PRKN: variants seen among roughly 807,000 people sequenced by gnomAD.
PRKN encodes E3 ubiquitin-protein ligase parkin.
In PRKN, 56 loss-of-function variants were observed where a neutral mutation model predicts 59.5. That is an observed-to-expected ratio of 0.94 (90% CI 0.76 to 1.18). The LOEUF (loss-of-function observed/expected upper bound fraction) is 1.18, where lower values mean the gene tolerates loss of function less well. Ranked by LOEUF, PRKN falls within the 50% of genes most tolerant of loss-of-function variation. The probability of loss-of-function intolerance (pLI) is 0.00; values close to 1 mark genes in which losing one functional copy is unlikely to be tolerated. For synonymous variants in PRKN, 250 were observed against 222.1 expected (o/e 1.13, Z -1.12); for missense variants, 657 against 596.4 (o/e 1.10, Z -1.06).
In PRKN at chr6:162,418,613, AGTGTGT is replaced by A. The variant is rs140621171; in HGVS notation, c.171+24691_171+24696del. On this transcript the variant is annotated intron_variant, in intron 2 of 11. Coordinates refer to ENST00000366898, the MANE Select transcript of PRKN (RefSeq NM_004562.3). ...AAGTGATGAAGAGAGAGGGACAGAC[AGTGTGT>A]GTGTGTGTGTGTGTGTGTGTGTGTG... 4.0e-4 allele frequency among the ~76,000 whole-genome samples: 51 copies of A among 126,398 alleles called. 2 individuals carry two copies. The highest frequency in any genetic ancestry group is 1.0e-3 in the African/African-American group (32 of 31,604). The allele number at this position is 126,398 out of a possible 152,430, so 82.9% of individuals were successfully genotyped here. A position where few individuals can be genotyped will look rare whatever the true frequency, so the allele number is the denominator to read the frequency against.
chr6:162,106,967 G>A (rs113685522), intron 4 of PRKN, among the ~76,000 whole-genome samples: 1 of 152,010 alleles, frequency 6.6e-6, no homozygotes, highest in South Asian at 2.1e-4. Flanking sequence ...AAAGCTTCAG[G>A]TTACCTGTGC....
At position 162,608,877 on chromosome 6, in the gene PRKN, T is replaced by A. The variant is rs531357802; in HGVS notation, c.7+118785A>T. Among the ~76,000 whole-genome samples, 8 of 152,106 alleles carry A rather than the reference T, an allele frequency of 5.3e-5. No homozygotes were observed. In the South Asian group the frequency reaches 1.7e-3, roughly 32 times the overall value. ...TTAGGACTGAAGGGACAGGAGGGTA[T>A]CTACTGGGGCATGGGACAGGAGGGT... On this transcript the variant is annotated intron_variant, in intron 1 of 11. Transcript: ENST00000366898.
chr6:161,567,294 TGC>T (rs1288873119), intron 8 of PRKN, among the ~76,000 whole-genome samples: 2 of 152,162 alleles, frequency 1.3e-5, no homozygotes, highest in Non-Finnish European at 2.9e-5. Flanking sequence ...ATGATCTGCC[TGC>T]CTTGGCCTCC....
intron 1 of PRKN, among the ~76,000 whole-genome samples, chr6:162,691,545 G>GA (rs919275848): frequency 1.3e-5 from 2 of 151,306 alleles, no homozygotes; most frequent in South Asian, 4.2e-4. Flanking sequence ...GATATCCAAA[G>GA]AAAAAAAAGG....
intron 1 of PRKN, among the ~76,000 whole-genome samples, chr6:162,682,346 G>A (rs1256217273): frequency 1.3e-5 from 2 of 152,064 alleles, no homozygotes; most frequent in Non-Finnish European, 2.9e-5. Flanking sequence ...GCAAAGACAT[G>A]GAATCAACCT....
intron 7 of PRKN, among the ~76,000 whole-genome samples, chr6:161,673,099 G>A (rs1582983066): frequency 1.3e-5 from 2 of 152,200 alleles, no homozygotes; most frequent in South Asian, 4.1e-4. Context: ...CACACTTCTG[G>A]AATGCTGTCC....
chr6:161,464,742 C>G (rs1790373142), intron 9 of PRKN, among the ~76,000 whole-genome samples: 1 of 152,162 alleles, frequency 6.6e-6, no homozygotes, highest in Non-Finnish European at 1.5e-5. Context: ...TTGAAGGGCT[C>G]CAAAGTAAGT....
intron 3 of PRKN, among the ~76,000 whole-genome samples, chr6:162,208,650 A>G (rs1479640003): frequency 1.3e-5 from 2 of 152,212 alleles, no homozygotes; most frequent in Non-Finnish European, 2.9e-5. Context: ...AGCCAAAAAG[A>G]GTAAATGTAG....
chr6:162,257,688 G>C (rs938313742), intron 3 of PRKN, among the ~76,000 whole-genome samples: 1 of 152,096 alleles, frequency 6.6e-6, no homozygotes, highest in Non-Finnish European at 1.5e-5. Flanking sequence ...GGTTTCTATA[G>C]TGCCAGGTTT....
intron 1 of PRKN, among the ~76,000 whole-genome samples, chr6:162,480,167 T>C (rs12524790): frequency 0.15 from 22,273 of 152,168 alleles, 1,822 homozygotes; most frequent in Non-Finnish European, 0.17. Flanking sequence ...TTGTATGTGC[T>C]GGACTTTTAC....
chr6:161,922,186 T>C (rs1277161971), intron 6 of PRKN, among the ~76,000 whole-genome samples: 1 of 152,240 alleles, frequency 6.6e-6, no homozygotes, highest in Non-Finnish European at 1.5e-5. Context: ...ATGCAGAAGA[T>C]GAAATTGGCA....
chr6:161,485,291 TA>T (rs1279735110), intron 9 of PRKN, among the ~76,000 whole-genome samples: 1 of 152,146 alleles, frequency 6.6e-6, no homozygotes, highest in Non-Finnish European at 1.5e-5. Flanking sequence ...TGTGGTGTGA[TA>T]AAAAACTGAA....
At chr6:161,807,604 G>A (rs1453528232) in intron 6 of PRKN, among the ~76,000 whole-genome samples, 1 of 152,156 alleles carries the variant, frequency 6.6e-6, no homozygotes, top group African/African-American at 2.4e-5. Context: ...CTGGCTTCTG[G>A]TGTTGCCAGC....
intron 1 of PRKN, among the ~76,000 whole-genome samples, chr6:162,667,245 T>C (rs1779137149): frequency 6.6e-6 from 1 of 152,084 alleles, no homozygotes; most frequent in African/African-American, 2.4e-5. Context: ...TAGTTTAATA[T>C]TAAAAACAAG....
intron 1 of PRKN, among the ~76,000 whole-genome samples, chr6:162,503,736 T>C (rs1333740208): frequency 6.6e-6 from 1 of 152,162 alleles, no homozygotes; most frequent in African/African-American, 2.4e-5. Context: ...ACAATGTGAA[T>C]GTTGATACAG....
chr6:161,885,361 C>G (rs1435430271), intron 6 of PRKN, among the ~76,000 whole-genome samples: 1 of 152,084 alleles, frequency 6.6e-6, no homozygotes, highest in Non-Finnish European at 1.5e-5. Context: ...TTTTAGCTGT[C>G]TATTCAACAA....
Position 161,468,716 on chromosome 6 carries a change from G to A in PRKN, c.1083+80138C>T, listed in dbSNP as rs545733622. Among the ~76,000 whole-genome samples the A allele has an allele frequency of 3.3e-5, 5 of 152,224 alleles. No homozygotes were observed. The East Asian group carries it at 5.8e-4, about 18-fold the overall frequency. Reference sequence around the variant, plus strand: ...GCTATTTACCACTAATGCAGCTGCCGGGAGGATCCAGCCTCAGAGGACTTG... The same window carrying A: ...GCTATTTACCACTAATGCAGCTGCCAGGAGGATCCAGCCTCAGAGGACTTG... On this transcript the variant is annotated intron_variant, in intron 9 of 11. Transcript: ENST00000366898. The surrounding 1 kb of genome is among the most constrained non-coding windows in gnomAD (Gnocchi z 5.9).
chr6:162,186,304 T>G (rs1430951440), intron 4 of PRKN, among the ~76,000 whole-genome samples: 1 of 148,726 alleles, frequency 6.7e-6, no homozygotes, highest in African/African-American at 2.6e-5. Flanking sequence ...ATAATTTTTT[T>G]AACAGACTTT....
intron 1 of PRKN, among the ~76,000 whole-genome samples, chr6:162,708,353 T>C (rs961963649): frequency 1.3e-5 from 2 of 152,208 alleles, no homozygotes; most frequent in Non-Finnish European, 2.9e-5. Context: ...GTATTCAAGA[T>C]AATAGAAGTA....
Sources: gnomAD v4.1 joint callset for allele counts (sites outside exome capture counted in the v4.1 genomes callset) on GRCh38, gnomAD v4.1.1 for gene constraint, Gnocchi (gnomAD v3.1) non-coding constraint, MANE v1.5 for transcripts, NCBI Gene and HGNC (gene_info 2026-07-23, HGNC 2026-07-21) for gene names.